Variants in NALF1 observed in about 807,000 individuals in gnomAD.
NALF1 encodes NALCN channel auxiliary factor 1, also known as family with sequence similarity 155 member A.
In NALF1, 3 loss-of-function variants were observed where a neutral mutation model predicts 48.4. The observed-to-expected ratio is 0.06, with a 90% CI of 0.03 to 0.16. The LOEUF (loss-of-function observed/expected upper bound fraction) is 0.16, where lower values mean the gene tolerates loss of function less well. Ranked by LOEUF, NALF1 falls within the 10% of genes least tolerant of loss-of-function variation. NALF1 has a pLI of 1.00. For missense variants in NALF1, 526 were observed against 571.5 expected (o/e 0.92, Z 0.81); for synonymous variants, 262 against 245.7 (o/e 1.07, Z -0.62).
chr13:107,381,456 C>T lies in NALF1; in HGVS notation c.916-170701G>A, dbSNP rs1044269630. On this transcript the variant is annotated intron_variant, in intron 1 of 2. Transcript: ENST00000375915. The stretch of plus-strand genomic sequence containing the variant: ...CAAACGATCCTCTCACCTTGGCCCC[C>T]CAAAGTGGAAATTATAGATGTGAGC... 3.3e-5 allele frequency among the ~76,000 whole-genome samples: 5 copies of T among 152,056 alleles called. No individual in the cohort carries two copies. In the South Asian group the frequency reaches 1.0e-3, roughly 32 times the overall value.
intron 2 of NALF1, among the ~76,000 whole-genome samples, chr13:107,189,470 T>A (rs146531052): frequency 2.6e-5 from 4 of 152,204 alleles, no homozygotes; most frequent in Non-Finnish European, 4.4e-5. Context: ...TTAGTGATCG[T>A]TGGACTTTAT....
At chr13:107,233,740 C>T (rs539837855) in intron 1 of NALF1, among the ~76,000 whole-genome samples, 2 of 152,180 alleles carry the variant, frequency 1.3e-5, no homozygotes, top group Non-Finnish European at 2.9e-5. Context: ...ACTGTACTAG[C>T]TAAACTGAAT....
At chr13:107,440,255 T>C (rs1004881771) in intron 1 of NALF1, among the ~76,000 whole-genome samples, 8 of 152,068 alleles carry the variant, frequency 5.3e-5, no homozygotes, top group Admixed American at 2.6e-4. Context: ...CTTATCTGAG[T>C]TGAGGAAAGG....
chr13:107,391,546 C>G (rs1031349012), intron 1 of NALF1, among the ~76,000 whole-genome samples: 2 of 152,092 alleles, frequency 1.3e-5, no homozygotes, highest in East Asian at 1.9e-4. Context: ...CAACTAAGAG[C>G]CAGGCACCCT....
chr13:107,534,999 G>C lies in NALF1; in HGVS notation c.916-324244C>G, dbSNP rs147572841. Reference sequence around the variant, plus strand: ...TTAAAGGAGTGTTTCTGTTATTGCTGTATAAGAATGCTTGTGATTTTTGCA... The same window carrying C: ...TTAAAGGAGTGTTTCTGTTATTGCTCTATAAGAATGCTTGTGATTTTTGCA... On this transcript the variant is annotated intron_variant, in intron 1 of 2. Transcript: ENST00000375915. Among the ~76,000 whole-genome samples the C allele has an allele frequency of 4.6e-3, 699 of 152,200 alleles. 3 individuals carry two copies. The highest frequency in any genetic ancestry group is 0.015 in the African/African-American group (641 of 41,540).
intron 1 of NALF1, among the ~76,000 whole-genome samples, chr13:107,806,875 C>A (rs1878807028): frequency 6.6e-6 from 1 of 152,110 alleles, no homozygotes; most frequent in Non-Finnish European, 1.5e-5. Context: ...TGCTTCATTT[C>A]TTTTCTTTCT....
intron 1 of NALF1, among the ~76,000 whole-genome samples, chr13:107,502,132 T>C (rs1875545224): frequency 6.6e-6 from 1 of 152,196 alleles, no homozygotes; most frequent in African/African-American, 2.4e-5. Context: ...TTATACCCTT[T>C]GTCTTAATTA....
Position 107,853,204 on chromosome 13 carries a change from G to C in NALF1, c.915+12478C>G, listed in dbSNP as rs113932075. Among the ~76,000 whole-genome samples the C allele has an allele frequency of 1.6e-3, 237 of 152,114 alleles. 1 individual carries two copies. Among genetic ancestry groups the C allele is most frequent in the African/African-American group, 5.4e-3 (224 of 41,508 alleles). ...TGTAAAAGAAATGCAAATTTGCACGGCTCAGATTTTGCATTTAATCTGACT... is the reference window on the plus strand; with the variant it reads ...TGTAAAAGAAATGCAAATTTGCACGCCTCAGATTTTGCATTTAATCTGACT... On this transcript the variant is annotated intron_variant, in intron 1 of 2. Transcript: ENST00000375915.
At chr13:107,748,887 T>C (rs1235438096) in intron 1 of NALF1, among the ~76,000 whole-genome samples, 1 of 152,076 alleles carries the variant, frequency 6.6e-6, no homozygotes, top group African/African-American at 2.4e-5. Context: ...AAAAGGCCAC[T>C]TAGCTGTGGG....
rs1196744276 is a variant in NALF1, at chr13:107,710,609, A to AT, written c.915+155072_915+155073insA. Among the ~76,000 whole-genome samples, 1,389 of 152,104 alleles carry AT rather than the reference A, an allele frequency of 9.1e-3. 20 individuals carry two copies. Among genetic ancestry groups the AT allele is most frequent in the African/African-American group, 0.032 (1,310 of 41,450 alleles). Reference sequence around the variant, plus strand: ...GAGAGAGAGTGAGAGGAAGTGCTACACTTTTAAACCCTCAGATCTCGTGAG... The same window carrying AT: ...GAGAGAGAGTGAGAGGAAGTGCTACATCTTTTAAACCCTCAGATCTCGTGAG... On this transcript the variant is annotated intron_variant, in intron 1 of 2. Coordinates refer to ENST00000375915, the MANE Select transcript of NALF1 (RefSeq NM_001080396.3).
chr13:107,864,604 T>C (rs1195187131), intron 1 of NALF1, among the ~76,000 whole-genome samples: 2 of 152,200 alleles, frequency 1.3e-5, no homozygotes, highest in Admixed American at 6.5e-5. Context: ...GTTTATTGTG[T>C]TGTGTAAGAA....
intron 1 of NALF1, among the ~76,000 whole-genome samples, chr13:107,677,493 T>C (rs1041272153): frequency 6.6e-6 from 1 of 152,234 alleles, no homozygotes; most frequent in Admixed American, 6.5e-5. Context: ...ATAGAATGTA[T>C]AATCAATTAT....
intron 1 of NALF1, among the ~76,000 whole-genome samples, chr13:107,603,217 T>C (rs1878980056): frequency 1.3e-5 from 2 of 152,166 alleles, no homozygotes; most frequent in Admixed American, 1.3e-4. Context: ...GCAAAAAAAA[T>C]TTCTAGTTAA....
intron 1 of NALF1, among the ~76,000 whole-genome samples, chr13:107,299,455 A>G (rs1019969263): frequency 1.8e-4 from 9 of 49,044 alleles, no homozygotes; most frequent in African/African-American, 4.3e-4. Context: ...AATAATAATA[A>G]TAATAATAAT....
chr13:107,778,919 G>C (rs1346211834), intron 1 of NALF1, among the ~76,000 whole-genome samples: 1 of 152,108 alleles, frequency 6.6e-6, no homozygotes, highest in Non-Finnish European at 1.5e-5. Flanking sequence ...TAAACTATCA[G>C]ATTTTTCCCA....
At chr13:107,385,453 TGG>T (rs1387714221) in intron 1 of NALF1, among the ~76,000 whole-genome samples, 1 of 147,098 alleles carries the variant, frequency 6.8e-6, no homozygotes, top group Non-Finnish European at 1.5e-5. Context: ...CTCAGGAGGC[TGG>T]GGCAGGAGAA....
intron 1 of NALF1, among the ~76,000 whole-genome samples, chr13:107,402,202 C>T (rs1280051460): frequency 3.3e-5 from 5 of 150,764 alleles, no homozygotes; most frequent in East Asian, 1.9e-4. Context: ...TTGCTGGCTT[C>T]GATAAATCAA....
At chr13:107,367,021 G>C (rs1375478058) in intron 1 of NALF1, among the ~76,000 whole-genome samples, 1 of 152,182 alleles carries the variant, frequency 6.6e-6, no homozygotes, top group African/African-American at 2.4e-5. Flanking sequence ...TTATTTTAGA[G>C]GGAAAAGAGA....
intron 1 of NALF1, among the ~76,000 whole-genome samples, chr13:107,615,238 C>T (rs1330465768): frequency 6.6e-6 from 1 of 152,206 alleles, no homozygotes; most frequent in African/African-American, 2.4e-5. Flanking sequence ...AATGACATCT[C>T]TGAAGATGCC....
Sources: gnomAD v4.1 joint callset for allele counts (sites outside exome capture counted in the v4.1 genomes callset) on GRCh38, gnomAD v4.1.1 for gene constraint, MANE v1.5 for transcripts, NCBI Gene and HGNC (gene_info 2026-07-23, HGNC 2026-07-21) for gene names.